The following SZRD1 variants were observed in gnomAD, a reference collection of about 807,000 sequenced individuals.
The protein encoded by SZRD1 is SUZ RNA-binding domain-containing.
A neutral mutation model predicts 17.6 loss-of-function variants in SZRD1; 7 were observed. The observed-to-expected ratio is 0.40, with a 90% CI of 0.23 to 0.75. The LOEUF is 0.75. Ranked by LOEUF, SZRD1 falls within the 30% of genes least tolerant of loss-of-function variation. The probability of loss-of-function intolerance (pLI) is 0.38; values close to 1 mark genes in which losing one functional copy is unlikely to be tolerated. For synonymous variants in SZRD1, 77 were observed against 77.9 expected (o/e 0.99, Z 0.06); for missense variants, 178 against 201.8 (o/e 0.88, Z 0.71).
chr1:16,370,999 A>G (rs1219149762), intron 1 of SZRD1, among the ~76,000 whole-genome samples: 2 of 152,174 alleles, frequency 1.3e-5, no homozygotes, highest in African/African-American at 4.8e-5. Flanking sequence ...AATTGCGTAA[A>G]AGTCTTGGCT....
At chr1:16,383,742 C>T (rs1160765989) in intron 1 of SZRD1, among the ~76,000 whole-genome samples, 1 of 151,446 alleles carries the variant, frequency 6.6e-6, no homozygotes, top group Non-Finnish European at 1.5e-5. Flanking sequence ...GCCTCAGCCT[C>T]CTGAGTAGCT....
At chr1:16,372,750 A>G (rs2082935322) in intron 1 of SZRD1, among the ~76,000 whole-genome samples, 1 of 152,236 alleles carries the variant, frequency 6.6e-6, no homozygotes, top group African/African-American at 2.4e-5. Flanking sequence ...CCAGTTATCC[A>G]AACATTGCCC....
At chr1:16,378,378 G>C (rs1306039302) in intron 1 of SZRD1, among the ~76,000 whole-genome samples, 1 of 149,424 alleles carries the variant, frequency 6.7e-6, no homozygotes, top group East Asian at 2.0e-4. Flanking sequence ...CCGCCTCCCA[G>C]GTTTGAGCAA....
chr1:16,376,825 C>T (rs936846585), intron 1 of SZRD1, among the ~76,000 whole-genome samples: 8 of 106,456 alleles, frequency 7.5e-5, no homozygotes, highest in Non-Finnish European at 1.0e-4. Flanking sequence ...AAAAAAAAAA[C>T]GTTGCTCAGG....
chr1:16,370,834 TATTTGAACGCTGTCTTGA>T (rs1224535452), intron 1 of SZRD1, among the ~76,000 whole-genome samples: 2 of 152,168 alleles, frequency 1.3e-5, no homozygotes, highest in Non-Finnish European at 2.9e-5. Flanking sequence ...TCTGGGCTTA[TATTTGAACGCTGTCTTGA>T]ATTTGATTCC....
chr1:16,367,405 G>C (rs1225136951), intron 1 of SZRD1, 97 bp downstream of exon 1: 5 of 1,241,980 alleles, frequency 4.0e-6, no homozygotes, highest in Non-Finnish European at 5.6e-6. Context: ...CCCCAAGGAA[G>C]GGCCCCATAC....
intron 1 of SZRD1, among the ~76,000 whole-genome samples, chr1:16,384,657 A>G (rs1475756539): frequency 6.6e-6 from 1 of 152,210 alleles, no homozygotes; most frequent in Non-Finnish European, 1.5e-5. Context: ...TGAAGACATA[A>G]GGCTAGCATG....
chr1:16,382,869 A>ATT (rs559453815), intron 1 of SZRD1, among the ~76,000 whole-genome samples: 3,592 of 140,646 alleles, frequency 0.026, 151 homozygotes, highest in African/African-American at 0.087. Flanking sequence ...CACATGGATA[A>ATT]TTTTTTTTTT....
At chr1:16,384,856 C>T (rs1015349423) in intron 1 of SZRD1, among the ~76,000 whole-genome samples, 1 of 152,168 alleles carries the variant, frequency 6.6e-6, no homozygotes, top group Non-Finnish European at 1.5e-5. Flanking sequence ...CTTCAGATCT[C>T]CCCGGGTCCA....
At position 16,393,129 on chromosome 1, in the gene SZRD1, AG is replaced by A; in HGVS notation, c.102-96del. On this transcript the variant is annotated intron_variant, in intron 2 of 3. Coordinates refer to ENST00000401088, the MANE Select transcript of SZRD1 (RefSeq NM_001114600.3). This position sits in a 1 kb window ranked among gnomAD's most constrained non-coding sequence, Gnocchi z 5.6. ...CAGAGAATCATGCATGGGTAGAATT[AG>A]GGAGGGAGAGGAAAGTGATGAGAGG... 6.8e-7 allele frequency: 1 copy of A among 1,467,266 alleles called. No individual in the cohort carries two copies. The highest frequency in any genetic ancestry group is 1.4e-5 in the African/African-American group (1 of 72,072). 90.9% of individuals were successfully genotyped at this position (1,467,266 alleles called of 1,614,324 possible).
intron 1 of SZRD1, among the ~76,000 whole-genome samples, chr1:16,388,858 A>G (rs1020302302): frequency 5.9e-5 from 9 of 151,304 alleles, no homozygotes; most frequent in Non-Finnish European, 5.9e-5. Context: ...CCTGTTGCCA[A>G]ACTGGTCACA....
At chr1:16,369,246 TA>T in intron 1 of SZRD1, 1 of 565,700 alleles carries the variant, frequency 1.8e-6, no homozygotes. Flanking sequence ...ACCAATCACG[TA>T]AATTATTCTT....
At chr1:16,379,179 G>T (rs977057707) in intron 1 of SZRD1, among the ~76,000 whole-genome samples, 11 of 151,982 alleles carry the variant, frequency 7.2e-5, no homozygotes, top group Non-Finnish European at 1.2e-4. Context: ...GAGTGCAGTG[G>T]CACGATCTTG....
At chr1:16,387,417 G>A (rs1286997153) in intron 1 of SZRD1, 4 of 447,850 alleles carry the variant, frequency 8.9e-6, no homozygotes, top group African/African-American at 2.0e-5. Context: ...CTCTCGCAGC[G>A]ATATGAAAGT....
At chr1:16,375,462 A>T (rs2082986312) in intron 1 of SZRD1, among the ~76,000 whole-genome samples, 2 of 152,034 alleles carry the variant, frequency 1.3e-5, no homozygotes, top group Admixed American at 6.6e-5. Flanking sequence ...CTACAGGCTC[A>T]TGTCACCATG....
intron 1 of SZRD1, among the ~76,000 whole-genome samples, chr1:16,373,231 G>GTT (rs35547196): frequency 2.8e-5 from 4 of 143,662 alleles, no homozygotes; most frequent in African/African-American, 2.6e-5. Context: ...GAGCTTTGAA[G>GTT]TTTTTTTTTT....
intron 1 of SZRD1, among the ~76,000 whole-genome samples, chr1:16,371,450 TTTTTTTTTTTCCC>T (rs1406075821): frequency 6.3e-5 from 6 of 94,832 alleles, no homozygotes; most frequent in African/African-American, 3.0e-4. Context: ...TTTTTTTTCC[TTTTTTTTTTTCCC>T]CTTTTTTTTT....
At chr1:16,375,303 T>C (rs1351797424) in intron 1 of SZRD1, among the ~76,000 whole-genome samples, 2 of 149,264 alleles carry the variant, frequency 1.3e-5, no homozygotes, top group Non-Finnish European at 3.0e-5. Context: ...ATAGTCTGTA[T>C]GGAGACAGAT....
rs550413138 is a variant in SZRD1 at position 16,393,134 on chromosome 1, G to T, written c.102-94G>T. On this transcript the variant is annotated intron_variant, in intron 2 of 3. Transcript: ENST00000401088. The surrounding 1 kb of genome is among the most constrained non-coding windows in gnomAD (Gnocchi z 5.6). Reference sequence around the variant, plus strand: ...AATCATGCATGGGTAGAATTAGGGAGGGAGAGGAAAGTGATGAGAGGTGGG... The same window carrying T: ...AATCATGCATGGGTAGAATTAGGGATGGAGAGGAAAGTGATGAGAGGTGGG... The T allele has an allele frequency of 1.3e-6, 2 of 1,489,076 alleles. No homozygotes were observed. Among genetic ancestry groups the T allele is most frequent in the South Asian group, 2.5e-5 (2 of 80,310 alleles). The allele number at this position is 1,489,076 out of a possible 1,614,324, so 92.2% of individuals were successfully genotyped here.
Sources: allele counts gnomAD v4.1 joint callset (sites outside exome capture counted in the v4.1 genomes callset), GRCh38; gene constraint gnomAD v4.1.1; non-coding constraint Gnocchi (gnomAD v3.1); transcripts MANE v1.5; gene names NCBI Gene and HGNC (gene_info 2026-07-23, HGNC 2026-07-21).